Variants in GSG1 observed in about 807,000 individuals in gnomAD.
GSG1 encodes the protein germ cell associated 1.
GSG1 carries 28 observed loss-of-function variants against 30.8 expected under a neutral mutation model. That is an observed-to-expected ratio of 0.91 (90% confidence interval 0.67 to 1.25). The LOEUF is 1.25. Among genes scored for constraint, GSG1 ranks in the 50% most tolerant of loss-of-function variants. The probability of loss-of-function intolerance (pLI) is 0.00; values close to 1 mark genes in which losing one functional copy is unlikely to be tolerated. For missense variants in GSG1, 435 were observed against 444.7 expected, an observed-to-expected ratio of 0.98 and a Z score of 0.20; for synonymous variants, 162 against 178.0, an observed-to-expected ratio of 0.91 and a Z score of 0.71.
At chr12:13,089,168 C>A (rs745798976) in intron 3 of GSG1, 40 bp downstream of exon 3, 17 of 1,542,050 alleles carry the variant, frequency 1.1e-5, no homozygotes, top group Non-Finnish European at 9.6e-6. Context: ...TCCCATTTCC[C>A]GTGTCCAGAA....
Position 13,084,955 on chromosome 12 carries a change from G to A in GSG1, c.1035C>T (p.Ala345=). ...ELRNKGFQRG[A]SQELKEAVRS... ...TAACTGCTTCTTTCAGCTCCTGGCTGGCCCCTCTTTGAAATCCCTTGTTCC... is the reference window on the plus strand; with the variant it reads ...TAACTGCTTCTTTCAGCTCCTGGCTAGCCCCTCTTTGAAATCCCTTGTTCC... Residue 345 remains alanine (A), a synonymous_variant, in exon 7 of 7, where the codon GCC becomes GCT. Transcript: ENST00000651961. 6.4e-7 allele frequency: 1 copy of A among 1,551,820 alleles called. No individual in the cohort carries two copies. Among genetic ancestry groups the A allele is most frequent in the Non-Finnish European group, 8.7e-7 (1 of 1,147,034 alleles).
In GSG1 at chr12:13,101,673, G is replaced by A. The variant is rs1008461742; in HGVS notation, c.48+1792C>T. Among the ~76,000 whole-genome samples, 2 of 152,262 alleles carry A rather than the reference G, an allele frequency of 1.3e-5. No individual in the cohort carries two copies. The highest frequency in any genetic ancestry group is 6.5e-5 in the Admixed American group (1 of 15,294). Reference sequence around the variant, plus strand: ...GGAGGGATTCCTTACACCCAGGCCGGTGGGCCAGGGCTCGGGATGTGTCGA... The same window carrying A: ...GGAGGGATTCCTTACACCCAGGCCGATGGGCCAGGGCTCGGGATGTGTCGA... On this transcript the variant is annotated intron_variant, in intron 1 of 6. Transcript: ENST00000651961. The surrounding 1 kb of genome is among the most constrained non-coding windows in gnomAD (Gnocchi z 5.8).
intron 1 of GSG1, among the ~76,000 whole-genome samples, chr12:13,099,742 T>TTTTTTTTG (rs1423316168): frequency 7.5e-5 from 9 of 119,324 alleles, no homozygotes; most frequent in South Asian, 5.2e-4. Flanking sequence ...GATCCGGTGT[T>TTTTTTTTG]TTTTTTTGTT....
At chr12:13,099,750 G>GTTTTGTTTTTTTTTTTTTT (rs1863022060) in intron 1 of GSG1, among the ~76,000 whole-genome samples, 2 of 114,834 alleles carry the variant, frequency 1.7e-5, no homozygotes, top group Non-Finnish European at 3.6e-5. Context: ...GTTTTTTTTT[G>GTTTTGTTTTTTTTTTTTTT]TTTTTTTTTT....
chr12:13,092,275 A>G (rs1866226281), intron 1 of GSG1, among the ~76,000 whole-genome samples: 1 of 152,188 alleles, frequency 6.6e-6, no homozygotes, highest in African/African-American at 2.4e-5. Flanking sequence ...GGTGAGTGCC[A>G]TAATGACCCC....
At chr12:13,089,565 C>G (rs1231262013) in intron 2 of GSG1, among the ~76,000 whole-genome samples, 3 of 152,218 alleles carry the variant, frequency 2.0e-5, no homozygotes, top group South Asian at 4.1e-4. Flanking sequence ...GGAGACCTGG[C>G]AGATCTGCCT....
intron 1 of GSG1, among the ~76,000 whole-genome samples, 173 bp from the exon 2 acceptor site, chr12:13,090,991 C>T (rs767028592): frequency 9.2e-5 from 14 of 152,144 alleles, no homozygotes; most frequent in Non-Finnish European, 1.6e-4. Context: ...ATGGAAGCCC[C>T]GCTTCAGGAG....
rs1305782294 is a variant in GSG1 at position 13,090,503 on chromosome 12, C to T, written c.364G>A (p.Ala122Thr). The change falls in exon 2 of 7, where the codon GCA becomes ACA. Residue 122 changes from alanine (A) to threonine (T), a missense_variant and splice_region_variant. Transcript: ENST00000651961. The part of the protein sequence containing the change: ...LSCEETVEEP[A>T]LLHPQSWKQF... Reference sequence around the variant, plus strand: ...TCTTATATCCCAGAATGTAGGCTACCTGGTTCTTCCACAGTTTCCTCACAG... The same window carrying T: ...TCTTATATCCCAGAATGTAGGCTACTTGGTTCTTCCACAGTTTCCTCACAG... 6.2e-7 allele frequency: 1 copy of T among 1,606,026 alleles called. No individual in the cohort carries two copies. The highest frequency in any genetic ancestry group is 8.5e-7 in the Non-Finnish European group (1 of 1,174,068).
chr12:13,099,758 T>TTTTTTTTG (rs1565551259), intron 1 of GSG1, among the ~76,000 whole-genome samples: 26 of 133,928 alleles, frequency 1.9e-4, no homozygotes, highest in South Asian at 1.1e-3. Flanking sequence ...TTGTTTTTTT[T>TTTTTTTTG]TTTTTTTTTT....
intron 1 of GSG1, among the ~76,000 whole-genome samples, chr12:13,096,067 C>G (rs1866634245): frequency 6.6e-6 from 1 of 152,220 alleles, no homozygotes; most frequent in Non-Finnish European, 1.5e-5. Context: ...GTAGGGTTTC[C>G]TATCCCTTTG....
intron 4 of GSG1, 43 bp downstream of exon 4, chr12:13,088,819 C>T: frequency 1.2e-6 from 2 of 1,614,180 alleles, no homozygotes; most frequent in Non-Finnish European, 1.7e-6. Context: ...AGTGGGGTGA[C>T]ATGGGCCTTG....
intron 6 of GSG1, among the ~76,000 whole-genome samples, 189 bp from the exon 7 acceptor site, chr12:13,085,432 A>C (rs998310167): frequency 6.6e-6 from 1 of 151,996 alleles, no homozygotes; most frequent in African/African-American, 2.4e-5. Flanking sequence ...TGACTCATGT[A>C]GTCCTAGTAT....
intron 5 of GSG1, among the ~76,000 whole-genome samples, 190 bp from the exon 6 acceptor site, chr12:13,087,453 A>G (rs1865655488): frequency 6.6e-6 from 1 of 152,176 alleles, no homozygotes. Context: ...CATCTTTGCA[A>G]TAGGTGACCC....
chr12:13,095,549 A>G (rs757275236), intron 1 of GSG1: 20 of 1,569,968 alleles, frequency 1.3e-5, no homozygotes, highest in African/African-American at 1.4e-5. Flanking sequence ...GCCAGGTACA[A>G]AATAGCTGTA....
intron 1 of GSG1, among the ~76,000 whole-genome samples, chr12:13,098,755 T>C (rs1439635768): frequency 6.6e-6 from 1 of 152,138 alleles, no homozygotes; most frequent in Non-Finnish European, 1.5e-5. Flanking sequence ...CTGATGTCTT[T>C]GGTTTTTATT....
chr12:13,094,787 T>TTA (rs1866512064), intron 1 of GSG1, among the ~76,000 whole-genome samples: 1 of 152,236 alleles, frequency 6.6e-6, no homozygotes, highest in Admixed American at 6.5e-5. Context: ...AATTTGTCTA[T>TTA]TATCACATCA....
At chr12:13,087,023 G>A in intron 6 of GSG1, 129 bp downstream of exon 6, 1 of 638,712 alleles carries the variant, frequency 1.6e-6, no homozygotes, top group East Asian at 2.7e-5. Flanking sequence ...AGCCCTGTGT[G>A]GTTGACAGGC....
At position 13,098,455 on chromosome 12, in the gene GSG1, C is replaced by CT. The variant is rs1862903418; in HGVS notation, c.48+5009_48+5010insA. Among the ~76,000 whole-genome samples the CT allele has an allele frequency of 2.8e-5, 2 of 71,842 alleles. 1 individual carries two copies. Among genetic ancestry groups the CT allele is most frequent in the Non-Finnish European group, 6.2e-5 (2 of 32,342 alleles). 47.1% of individuals were successfully genotyped at this position (71,842 alleles called of 152,430 possible). ...TCTTGTAGGATTGTTTCATGTAGCC[C>CT]ATTTTTTTTTTTTTTTTTTTTTTTT... On this transcript the variant is annotated intron_variant, in intron 1 of 6. Coordinates refer to ENST00000651961, the MANE Select transcript of GSG1 (RefSeq NM_001080555.4).
chr12:13,092,376 A>C (rs987394232), intron 1 of GSG1, among the ~76,000 whole-genome samples: 1 of 152,094 alleles, frequency 6.6e-6, no homozygotes, highest in East Asian at 1.9e-4. Context: ...AGATTGAGCG[A>C]GAGAGAGAGA....
Sources: allele counts gnomAD v4.1 joint callset (sites outside exome capture counted in the v4.1 genomes callset), GRCh38; gene constraint gnomAD v4.1.1; non-coding constraint Gnocchi (gnomAD v3.1); transcripts MANE v1.5; gene names NCBI Gene and HGNC (gene_info 2026-07-23, HGNC 2026-07-21).